Variants in OPA1 observed in about 807,000 individuals in gnomAD.
The protein encoded by OPA1 is OPA1 mitochondrial dynamin like GTPase.
In OPA1, 59 loss-of-function variants were observed where a neutral mutation model predicts 152.9. The observed-to-expected ratio is 0.39, with a 90% CI of 0.31 to 0.48. OPA1 has a LOEUF of 0.48. Among genes scored for constraint, OPA1 ranks in the 20% least tolerant of loss-of-function variants. OPA1 has a pLI of 0.96. For missense variants in OPA1, 1,008 were observed against 1,216.8 expected, an observed-to-expected ratio of 0.83 and a Z score of 2.55; for synonymous variants, 400 against 389.9, an observed-to-expected ratio of 1.03 and a Z score of -0.31.
intron 29 of OPA1, among the ~76,000 whole-genome samples, chr3:193,680,209 T>TCTTATA (rs10641289): frequency 0.47 from 70,682 of 151,496 alleles, 16,871 homozygotes; most frequent in African/African-American, 0.54. Flanking sequence ...CATTCTCTGA[T>TCTTATA]CTTTTACTTT....
Position 193,635,698 on chromosome 3 carries a change from C to T in OPA1, c.948+176C>T, listed in dbSNP as rs201698061. ...TAAGACATTTTATAAGTTGTAGTCT[C>T]CAAATACTTGTTTTATACTATGCCC... On this transcript the variant is annotated intron_variant, in intron 9 of 30. Coordinates refer to ENST00000361510, the MANE Select transcript of OPA1 (RefSeq NM_130837.3). Among the ~76,000 whole-genome samples, 11 of 152,218 alleles carry T rather than the reference C, an allele frequency of 7.2e-5. No homozygotes were observed. In the East Asian group the frequency reaches 1.9e-3, roughly 27 times the overall value.
chr3:193,640,514 C>T (rs1275525687), intron 11 of OPA1, among the ~76,000 whole-genome samples: 1 of 152,184 alleles, frequency 6.6e-6, no homozygotes, highest in Non-Finnish European at 1.5e-5. Flanking sequence ...CTTCTGATTG[C>T]TTCCGCTTAC....
chr3:193,674,463 G>A (rs992110236), intron 29 of OPA1, among the ~76,000 whole-genome samples: 3 of 152,188 alleles, frequency 2.0e-5, no homozygotes, highest in Non-Finnish European at 4.4e-5. Context: ...GCAGCAGCAA[G>A]GTGACCTAAT....
At chr3:193,675,437 C>G (rs1157278494) in intron 29 of OPA1, among the ~76,000 whole-genome samples, 6 of 151,752 alleles carry the variant, frequency 4.0e-5, no homozygotes, top group Admixed American at 1.3e-4. Flanking sequence ...TATCTCAGTA[C>G]TGTTGCTCTG....
At chr3:193,693,054 G>C (rs1234656788) in intron 30 of OPA1, among the ~76,000 whole-genome samples, 1 of 152,220 alleles carries the variant, frequency 6.6e-6, no homozygotes, top group Non-Finnish European at 1.5e-5. Flanking sequence ...TGTCACTTTT[G>C]TCTGTGACCC....
intron 29 of OPA1, among the ~76,000 whole-genome samples, chr3:193,681,874 C>T (rs558164209): frequency 1.1e-3 from 127 of 116,144 alleles, no homozygotes; most frequent in Middle Eastern, 8.1e-3. Flanking sequence ...CTCTCTCCTC[C>T]TCTTCAGGCC....
intron 1 of OPA1, among the ~76,000 whole-genome samples, chr3:193,610,058 G>A (rs899955997): frequency 7.2e-5 from 11 of 152,222 alleles, no homozygotes; most frequent in Non-Finnish European, 1.5e-4. Flanking sequence ...TCTCTGTCCA[G>A]CTTTGTTCCG....
chr3:193,654,517 AATAT>A (rs978362553), intron 21 of OPA1, among the ~76,000 whole-genome samples: 26 of 152,256 alleles, frequency 1.7e-4, no homozygotes, highest in African/African-American at 6.3e-4. Context: ...AAAAAAGTGA[AATAT>A]TAATACATAC....
intron 1 of OPA1, among the ~76,000 whole-genome samples, chr3:193,606,390 A>G (rs1182408834): frequency 1.3e-5 from 2 of 151,454 alleles, no homozygotes; most frequent in East Asian, 2.0e-4. Flanking sequence ...TACATTAGGT[A>G]TATCTCCTAA....
chr3:193,672,519 T>C (rs1718150407), intron 29 of OPA1, among the ~76,000 whole-genome samples: 1 of 152,226 alleles, frequency 6.6e-6, no homozygotes, highest in African/African-American at 2.4e-5. Context: ...AATCAGAGAC[T>C]TATTGATACT....
chr3:193,633,394 C>T (rs376088812), intron 8 of OPA1, among the ~76,000 whole-genome samples: 2 of 152,124 alleles, frequency 1.3e-5, no homozygotes, highest in African/African-American at 4.8e-5. Flanking sequence ...GCATCTGTAC[C>T]AAAATGTTTC....
chr3:193,639,974 G>T (rs1014160793), intron 11 of OPA1, among the ~76,000 whole-genome samples: 2 of 152,182 alleles, frequency 1.3e-5, no homozygotes, highest in Non-Finnish European at 2.9e-5. Context: ...TGCCTCCAGG[G>T]TCTTTAGCCT....
At position 193,659,507 on chromosome 3, in the gene OPA1, G is replaced by A. The variant is rs1025107700; in HGVS notation, c.2466G>A (p.Val822=). 2 of 1,611,372 alleles carry A rather than the reference G, an allele frequency of 1.2e-6. No homozygotes were observed. Among genetic ancestry groups the A allele is most frequent in the Non-Finnish European group, 1.7e-6 (2 of 1,178,592 alleles). ...KDTENAIENM[V]GPDWKKRWLY... is the part of the protein sequence containing the mutation. ...CTGAAAATGCAATTGAAAACATGGT[G>A]GGTCCAGACTGGAAAAAGAGGTGGT... The change falls in exon 25 of 31, where the codon GTG becomes GTA. Residue 822 remains valine, a synonymous_variant. Transcript: ENST00000361510.
chr3:193,621,577 A>G (rs79145331), intron 6 of OPA1, among the ~76,000 whole-genome samples: 3,693 of 152,326 alleles, frequency 0.024, 163 homozygotes, highest in African/African-American at 0.085. Context: ...TGAATTATTT[A>G]TGTCATGTTG....
chr3:193,595,170 C>T (rs781551046), intron 1 of OPA1, among the ~76,000 whole-genome samples: 18 of 152,146 alleles, frequency 1.2e-4, no homozygotes, highest in Non-Finnish European at 2.4e-4. Context: ...CCAAGCTCTG[C>T]AGTTTTTCTT....
intron 10 of OPA1, 80 bp downstream of exon 10, chr3:193,637,361 T>G: frequency 1.2e-6 from 1 of 837,056 alleles, no homozygotes; most frequent in Non-Finnish European, 2.1e-6. Flanking sequence ...TGTGTATATA[T>G]GTACACATAC....
rs748519009 is a variant in OPA1, at chr3:193,643,386, A to G, written c.1319A>G (p.Asn440Ser). The G allele has an allele frequency of 3.1e-6, 5 of 1,610,332 alleles. No homozygotes were observed. In the African/African-American group the frequency reaches 6.7e-5, roughly 22 times the overall value. The change falls in exon 14 of 31, where the codon AAT becomes AGT. Residue 440 changes from asparagine (N) to serine (S), a missense_variant. By Grantham distance (46) the Asn-to-Ser change is conservative. This residue lies in a region of OPA1 where 213 missense variants were observed against 291.4 expected (regional missense o/e 0.73). Transcript: ENST00000361510. ...TTTCCTGAGTAGACCATATCCTTAA[A>G]TGTAAAAGGCCCTGGACTACAGAGG... ...CTVSPETISL[N>S]VKGPGLQRMV...
intron 29 of OPA1, among the ~76,000 whole-genome samples, chr3:193,688,891 TAGG>T (rs1721305945): frequency 6.6e-6 from 1 of 152,010 alleles, no homozygotes; most frequent in South Asian, 2.1e-4. Flanking sequence ...AAGGCTAAGG[TAGG>T]AGAATCGCTT....
chr3:193,659,588 A>G (rs1327107543), intron 25 of OPA1, 27 bp downstream of exon 25: 2 of 1,569,864 alleles, frequency 1.3e-6, no homozygotes, highest in Admixed American at 1.7e-5. Flanking sequence ...CTCTAGTCTT[A>G]TGATGATATA....
Sources: gnomAD v4.1 joint callset for allele counts (sites outside exome capture counted in the v4.1 genomes callset) on GRCh38, gnomAD v4.1.1 for gene constraint, gnomAD v4.1.1 regional missense constraint, MANE v1.5 for transcripts, NCBI Gene and HGNC (gene_info 2026-07-23, HGNC 2026-07-21) for gene names.